The following TSPAN15 variants were observed in gnomAD, a reference collection of about 807,000 sequenced individuals.
The protein encoded by TSPAN15 is tetraspanin 15.
In TSPAN15, 20 loss-of-function variants were observed where a neutral mutation model predicts 34.5. The ratio of observed to expected loss-of-function variants is 0.58; its 90% confidence interval spans 0.41 to 0.84. The LOEUF (loss-of-function observed/expected upper bound fraction) is 0.84. Among genes scored for constraint, TSPAN15 ranks in the 40% least tolerant of loss-of-function variants. The probability of loss-of-function intolerance (pLI) is 0.00; values close to 1 mark genes in which losing one functional copy is unlikely to be tolerated. For synonymous variants in TSPAN15, 155 were observed against 153.9 expected (o/e 1.01, Z -0.05); for missense variants, 313 against 386.1 (o/e 0.81, Z 1.59).
chr10:69,490,140 G>A (rs1465482022), intron 3 of TSPAN15, among the ~76,000 whole-genome samples: 1 of 152,210 alleles, frequency 6.6e-6, no homozygotes, highest in Non-Finnish European at 1.5e-5. Flanking sequence ...ACAGTGGGGA[G>A]CACCAGCCTG....
At chr10:69,517,927 G>A in the TSPAN15 span, among the ~76,000 whole-genome samples, 1,604 of 152,310 alleles carry the variant, frequency 0.011, 29 homozygotes, top group African/African-American at 0.036. Flanking sequence ...AAGAGGGCGA[G>A]GATTGCGTCT....
chr10:69,453,146 G>A (rs886121278), intron 1 of TSPAN15, among the ~76,000 whole-genome samples: 5 of 118,908 alleles, frequency 4.2e-5, no homozygotes, highest in Non-Finnish European at 9.7e-5. Flanking sequence ...CAGTATGTTT[G>A]GGGGGCGGAG....
At chr10:69,515,259 T>G in the TSPAN15 span, among the ~76,000 whole-genome samples, 56 of 152,314 alleles carry the variant, frequency 3.7e-4, no homozygotes, top group Non-Finnish European at 5.9e-4. Flanking sequence ...ATCTGTCTTT[T>G]CTATCCACAA....
At chr10:69,543,137 CT>C in the TSPAN15 span, among the ~76,000 whole-genome samples, 2 of 152,190 alleles carry the variant, frequency 1.3e-5, no homozygotes, top group African/African-American at 4.8e-5. Flanking sequence ...TGGAAGATGT[CT>C]GAATACTAGA....
At chr10:69,534,870 G>A in the TSPAN15 span, among the ~76,000 whole-genome samples, 1 of 150,240 alleles carries the variant, frequency 6.7e-6, no homozygotes, top group South Asian at 2.1e-4. Context: ...TGTGGTCCTA[G>A]CTACTCGGGA....
At chr10:69,500,463 A>C (rs936948202) in intron 5 of TSPAN15, among the ~76,000 whole-genome samples, 5 of 152,242 alleles carry the variant, frequency 3.3e-5, no homozygotes, top group Non-Finnish European at 7.3e-5. Flanking sequence ...TTGTGTAATT[A>C]TGGAGGCGGG....
intron 3 of TSPAN15, chr10:69,494,788 C>T (rs778176665): frequency 3.1e-5 from 31 of 985,310 alleles, no homozygotes; most frequent in African/African-American, 3.5e-5. Flanking sequence ...TGCTGATACT[C>T]GACCTCCGTG....
the TSPAN15 span, among the ~76,000 whole-genome samples, chr10:69,527,230 C>T: frequency 1.4e-5 from 2 of 148,020 alleles, 1 homozygote; most frequent in Non-Finnish European, 3.0e-5. Flanking sequence ...CCCTGGGCCA[C>T]GTTGGAAAAA....
the TSPAN15 span, among the ~76,000 whole-genome samples, chr10:69,539,482 G>GAGAAGA: frequency 0.026 from 1,762 of 66,900 alleles, 81 homozygotes; most frequent in Middle Eastern, 0.036. Flanking sequence ...GAAGGAGAAG[G>GAGAAGA]AGAAGAAGAA....
At chr10:69,457,275 A>C (rs1294879196) in intron 1 of TSPAN15, among the ~76,000 whole-genome samples, 1 of 152,184 alleles carries the variant, frequency 6.6e-6, no homozygotes, top group Non-Finnish European at 1.5e-5. Context: ...GGCATGTTGC[A>C]TGATGGTGAT....
At chr10:69,520,267 T>G in the TSPAN15 span, among the ~76,000 whole-genome samples, 1 of 152,224 alleles carries the variant, frequency 6.6e-6, no homozygotes, top group Non-Finnish European at 1.5e-5. Context: ...AATCACACAA[T>G]ATTTGTCCTT....
chr10:69,470,537 A>C (rs78872928), intron 1 of TSPAN15, among the ~76,000 whole-genome samples: 1,676 of 152,282 alleles, frequency 0.011, 15 homozygotes, highest in Middle Eastern at 0.027. Context: ...TGGTCACCAC[A>C]GTAGCTCCCT....
rs537718035 is a variant in TSPAN15 at position 69,507,042 on chromosome 10, G to C, written c.*64G>C. ...GGGATAGCACCTCTCAGTCAACATC[G>C]TGGGGCTGGACAGGGCTGCGGCCCC... is the stretch of plus-strand genomic sequence containing the variant. On this transcript the variant is annotated 3_prime_UTR_variant, in exon 8 of 8. Coordinates refer to ENST00000373290, the MANE Select transcript of TSPAN15 (RefSeq NM_012339.5). 9.5e-6 allele frequency: 15 copies of C among 1,573,160 alleles called. No homozygotes were observed. Among genetic ancestry groups the C allele is most frequent in the Non-Finnish European group, 1.1e-5 (13 of 1,160,934 alleles).
intron 1 of TSPAN15, among the ~76,000 whole-genome samples, chr10:69,459,678 G>C (rs992962641): frequency 1.3e-5 from 2 of 152,160 alleles, no homozygotes; most frequent in Non-Finnish European, 2.9e-5. Flanking sequence ...AGAGTTTGGG[G>C]TTCGAGTGAC....
At chr10:69,458,146 A>G (rs972121392) in intron 1 of TSPAN15, among the ~76,000 whole-genome samples, 1 of 152,156 alleles carries the variant, frequency 6.6e-6, no homozygotes, top group Non-Finnish European at 1.5e-5. Context: ...CCCTGGTCTC[A>G]GGGTGAGGGT....
At chr10:69,459,649 C>T (rs1212387769) in intron 1 of TSPAN15, among the ~76,000 whole-genome samples, 1 of 152,096 alleles carries the variant, frequency 6.6e-6, no homozygotes, top group Admixed American at 6.5e-5. Context: ...GAGAGGGTGG[C>T]AGGGGCCTGG....
In TSPAN15 at chr10:69,482,552, C is replaced by T. The variant is rs138555289; in HGVS notation, c.97-1139C>T. Among the ~76,000 whole-genome samples, 737 of 152,318 alleles carry T rather than the reference C, an allele frequency of 4.8e-3. 4 individuals carry two copies. Among genetic ancestry groups the T allele is most frequent in the Admixed American group, 8.4e-3 (129 of 15,304 alleles). Reference sequence around the variant, plus strand: ...TGTGAAATGTCTGTTGCCCTGAGCACGGGGTGACCTGCCTGTTTAATACGC... The same window carrying T: ...TGTGAAATGTCTGTTGCCCTGAGCATGGGGTGACCTGCCTGTTTAATACGC... On this transcript the variant is annotated intron_variant, in intron 1 of 7. Transcript: ENST00000373290.
intron 1 of TSPAN15, among the ~76,000 whole-genome samples, chr10:69,464,659 A>C (rs1202503408): frequency 6.6e-6 from 1 of 152,168 alleles, no homozygotes; most frequent in Non-Finnish European, 1.5e-5. Context: ...AGCGTCACCC[A>C]TTGTGTGGGG....
At chr10:69,490,456 C>T (rs1003391177) in intron 3 of TSPAN15, among the ~76,000 whole-genome samples, 7 of 152,338 alleles carry the variant, frequency 4.6e-5, no homozygotes, top group South Asian at 2.1e-4. Context: ...TGCGGTGGCT[C>T]ATGCTTGTAA....
Sources: gnomAD v4.1 joint callset for allele counts (sites outside exome capture counted in the v4.1 genomes callset) on GRCh38, gnomAD v4.1.1 for gene constraint, MANE v1.5 for transcripts, NCBI Gene and HGNC (gene_info 2026-07-23, HGNC 2026-07-21) for gene names.